The following FBLN2 variants were observed in gnomAD, a reference collection of about 807,000 sequenced individuals.
The protein encoded by FBLN2 is fibulin-2.
In FBLN2, 81 loss-of-function variants were observed where a neutral mutation model predicts 123.7. The observed-to-expected ratio is 0.65, with a 90% CI of 0.55 to 0.79. The LOEUF is 0.79. FBLN2 is among the 30% of genes least tolerant of loss of function. The pLI, the probability that FBLN2 is intolerant of heterozygous loss-of-function variation, is 0.00. For synonymous variants in FBLN2, 699 were observed against 701.4 expected, an observed-to-expected ratio of 1.00 and a Z score of 0.05; for missense variants, 1,603 against 1,681.3, an observed-to-expected ratio of 0.95 and a Z score of 0.81.
At chr3:13,565,079 T>G (rs1030718680) in intron 1 of FBLN2, among the ~76,000 whole-genome samples, 2 of 152,178 alleles carry the variant, frequency 1.3e-5, no homozygotes, top group Admixed American at 6.5e-5. Flanking sequence ...CACTGTGTGC[T>G]GAGTCACCTG....
intron 13 of FBLN2, 22 bp from the exon 14 acceptor site, chr3:13,629,798 C>T (rs1210721800): frequency 6.4e-7 from 1 of 1,558,028 alleles, no homozygotes; most frequent in Admixed American, 1.9e-5. Context: ...CTACCCTGTA[C>T]CTGCTGCCTG....
chr3:13,553,191 G>T (rs1320968247), intron 1 of FBLN2, among the ~76,000 whole-genome samples: 1 of 152,174 alleles, frequency 6.6e-6, no homozygotes, highest in South Asian at 2.1e-4. Context: ...CCCTGAAAAC[G>T]GAGGCCCTCC....
chr3:13,571,452 C>T lies in FBLN2; in HGVS notation c.1097C>T (p.Ala366Val). The T allele has an allele frequency of 6.2e-7, 1 of 1,613,022 alleles. No homozygotes were observed. Among genetic ancestry groups the T allele is most frequent in the East Asian group, 2.2e-5 (1 of 44,812 alleles). The change falls in exon 2 of 18, where the codon GCT becomes GTT. Residue 366 changes from alanine to valine, a missense_variant. By Grantham distance (64) the Ala-to-Val change is moderately conservative (BLOSUM62 0). Transcript: ENST00000404922. ...CATGCACCGAGCCTGGGCAAGGCTG[C>T]TCTCGTCCCAACTCAGGCCGTGCCT... ...VTHAPSLGKA[A>V]LVPTQAVPGS...
chr3:13,634,061 A>G (rs1240041454), intron 16 of FBLN2, among the ~76,000 whole-genome samples: 1 of 150,144 alleles, frequency 6.7e-6, no homozygotes, highest in Non-Finnish European at 1.5e-5. Context: ...ATGCCACTCG[A>G]TGGGGCAGGC....
chr3:13,552,070 C>T (rs1703338942), intron 1 of FBLN2, among the ~76,000 whole-genome samples: 1 of 152,112 alleles, frequency 6.6e-6, no homozygotes, highest in African/African-American at 2.4e-5. Flanking sequence ...AACTCTTGGC[C>T]TCAAGTGATC....
intron 2 of FBLN2, among the ~76,000 whole-genome samples, chr3:13,593,659 A>G (rs1704746991): frequency 6.7e-6 from 1 of 148,402 alleles, no homozygotes; most frequent in African/African-American, 2.5e-5. Context: ...GGTTACAGTG[A>G]GCTGAGATCG....
intron 5 of FBLN2, among the ~76,000 whole-genome samples, chr3:13,617,141 TCAA>T (rs1559420975): frequency 0.012 from 1,498 of 125,904 alleles, 39 homozygotes; most frequent in African/African-American, 0.08. Flanking sequence ...CATCCATTCA[TCAA>T]TCCATCCATC....
intron 2 of FBLN2, among the ~76,000 whole-genome samples, chr3:13,581,224 G>A (rs943597489): frequency 8.6e-5 from 13 of 151,726 alleles, no homozygotes; most frequent in Non-Finnish European, 1.5e-4. Flanking sequence ...GTGGGGGGTG[G>A]GGGGGAGGTG....
chr3:13,572,603 G>A (rs918108422), intron 2 of FBLN2, among the ~76,000 whole-genome samples: 15 of 152,270 alleles, frequency 9.9e-5, no homozygotes, highest in Non-Finnish European at 2.1e-4. Flanking sequence ...CCGGCCCAAG[G>A]CTGTGCAGAG....
At chr3:13,572,381 A>G (rs899887285) in intron 2 of FBLN2, among the ~76,000 whole-genome samples, 12 of 152,146 alleles carry the variant, frequency 7.9e-5, no homozygotes. Flanking sequence ...GCTTACTACT[A>G]TGTACGCTGT....
Position 13,636,487 on chromosome 3 carries a change from C to A in FBLN2, c.3257C>A (p.Ala1086Asp). ...CTGGGTACCCACAACTGTTCCGAGG[C>A]TGAGACCTGCCACAACATCCAGGGT... ...CALGTHNCSE[A>D]ETCHNIQGSF... The change falls in exon 17 of 18, where the codon GCT (alanine) becomes GAT (aspartate). Residue 1086 changes from alanine to aspartate, a missense_variant. By Grantham distance (126) the Ala-to-Asp change is moderately radical (BLOSUM62 -2). Coordinates refer to ENST00000404922, the MANE Select transcript of FBLN2 (RefSeq NM_001004019.2). The A allele has an allele frequency of 6.2e-7, 1 of 1,613,614 alleles. No homozygotes were observed. Among genetic ancestry groups the A allele is most frequent in the East Asian group, 2.2e-5 (1 of 44,852 alleles).
At chr3:13,597,780 GT>G (rs1704894759) in intron 2 of FBLN2, among the ~76,000 whole-genome samples, 1 of 152,254 alleles carries the variant, frequency 6.6e-6, no homozygotes, top group South Asian at 2.1e-4. Context: ...GAACAGCAGG[GT>G]TCCTGCTGGG....
At chr3:13,628,872 C>A (rs769556024) in intron 11 of FBLN2, 33 bp from the exon 12 acceptor site, 2 of 1,602,990 alleles carry the variant, frequency 1.2e-6, no homozygotes, top group African/African-American at 1.3e-5. Context: ...GACACCATGC[C>A]GGGCTCCCTG....
chr3:13,574,435 T>G (rs1704066915), intron 2 of FBLN2, among the ~76,000 whole-genome samples: 1 of 152,094 alleles, frequency 6.6e-6, no homozygotes, highest in Non-Finnish European at 1.5e-5. Flanking sequence ...GCCCCTTGAG[T>G]GACAACAGAC....
At chr3:13,568,734 C>G in intron 1 of FBLN2, 1 of 983,322 alleles carries the variant, frequency 1.0e-6, no homozygotes, top group South Asian at 4.7e-5. Context: ...CTCCTTCCGT[C>G]TCCTTGATTC....
At chr3:13,600,024 AGAGAGAGAGAGAGAGAGAGAGC>A (rs1189012454) in intron 2 of FBLN2, among the ~76,000 whole-genome samples, 7 of 102,488 alleles carry the variant, frequency 6.8e-5, no homozygotes, top group East Asian at 4.6e-4. Context: ...CGACAGAGAG[AGAGAGAGAGAGAGAGAGAGAGC>A]GAGAGAGAGA....
chr3:13,562,570 T>G (rs960141471), intron 1 of FBLN2, among the ~76,000 whole-genome samples: 14 of 152,164 alleles, frequency 9.2e-5, no homozygotes, highest in Admixed American at 7.2e-4. Context: ...TTGGCCAGGA[T>G]GGCCTCTATC....
At chr3:13,575,988 C>T (rs1409689673) in intron 2 of FBLN2, among the ~76,000 whole-genome samples, 5 of 152,282 alleles carry the variant, frequency 3.3e-5, no homozygotes, top group South Asian at 4.1e-4. Flanking sequence ...AAACAAGAGC[C>T]GGGCACCCAG....
At chr3:13,584,003 C>G (rs1704419522) in intron 2 of FBLN2, among the ~76,000 whole-genome samples, 1 of 152,180 alleles carries the variant, frequency 6.6e-6, no homozygotes, top group African/African-American at 2.4e-5. Context: ...GGAGAAGCAG[C>G]ACTAGAAGTC....
Sources: gnomAD v4.1 joint callset for allele counts (sites outside exome capture counted in the v4.1 genomes callset) on GRCh38, gnomAD v4.1.1 for gene constraint, MANE v1.5 for transcripts, NCBI Gene and HGNC (gene_info 2026-07-23, HGNC 2026-07-21) for gene names.